Variants in ADGRL2 observed in about 807,000 individuals in gnomAD.
ADGRL2 encodes the protein adhesion G protein-coupled receptor L2.
In ADGRL2, 44 loss-of-function variants were observed where a neutral mutation model predicts 157.4. The ratio of observed to expected loss-of-function variants is 0.28; its 90% CI spans 0.22 to 0.36. The LOEUF is 0.36. Ranked by LOEUF, ADGRL2 falls within the 10% of genes least tolerant of loss-of-function variation. The pLI is 1.00. For synonymous variants in ADGRL2, 585 were observed against 624.7 expected (o/e 0.94, Z 0.95); for missense variants, 1,510 against 1,768.9 (o/e 0.85, Z 2.63).
intron 2 of ADGRL2, among the ~76,000 whole-genome samples, chr1:81,504,745 C>G (rs1279740480): frequency 6.6e-6 from 1 of 152,126 alleles, no homozygotes; most frequent in Non-Finnish European, 1.5e-5. Context: ...TGCCACACCC[C>G]CACCCCCAGC....
At chr1:81,311,233 A>G (rs1659732605) in intron 1 of ADGRL2, among the ~76,000 whole-genome samples, 1 of 152,302 alleles carries the variant, frequency 6.6e-6, no homozygotes, top group South Asian at 2.1e-4. Flanking sequence ...AGGATTAGAA[A>G]GTCTGTTTGT....
chr1:81,665,267 G>C (rs897732303), intron 3 of ADGRL2, among the ~76,000 whole-genome samples: 8 of 152,110 alleles, frequency 5.3e-5, no homozygotes, highest in Non-Finnish European at 1.0e-4. Flanking sequence ...TACAAACAGC[G>C]TAAGTACCTG....
chr1:81,375,215 C>T (rs900817854), intron 1 of ADGRL2, among the ~76,000 whole-genome samples: 32 of 152,216 alleles, frequency 2.1e-4, no homozygotes, highest in African/African-American at 7.5e-4. Context: ...ACATAGACCA[C>T]TTAAGTCTGG....
chr1:81,665,673 T>TGA (rs2082737473), intron 3 of ADGRL2, among the ~76,000 whole-genome samples: 1 of 152,142 alleles, frequency 6.6e-6, no homozygotes, highest in Admixed American at 6.6e-5. Context: ...CATAAATCTC[T>TGA]GAGAGAGAGA....
rs2079213311 is a variant in ADGRL2, at chr1:81,517,695, C to G, written c.-247-63181C>G. Among the ~76,000 whole-genome samples the G allele has an allele frequency of 2.0e-5, 3 of 152,146 alleles. No individual in the cohort carries two copies. In the South Asian group the frequency reaches 6.2e-4, roughly 32 times the overall value. On this transcript the variant is annotated intron_variant, in intron 2 of 24. Coordinates refer to the ADGRL2 transcript ENST00000370721. ...AATATCTCATTGGTGACTGCCACCC[C>G]TCACTGCAAGGAAGAGATGAAGAGC...
chr1:81,657,800 C>A (rs480304), intron 3 of ADGRL2, among the ~76,000 whole-genome samples: 82,219 of 152,032 alleles, frequency 0.54, 22,967 homozygotes, highest in African/African-American at 0.69. Flanking sequence ...AGGATACATC[C>A]AAAAATCAAA....
At chr1:81,963,580 C>T (rs993739422) in intron 11 of ADGRL2, among the ~76,000 whole-genome samples, 8 of 151,636 alleles carry the variant, frequency 5.3e-5, no homozygotes, top group African/African-American at 1.9e-4. Flanking sequence ...TTCTTTAATT[C>T]ACATTTTTTG....
At chr1:81,575,131 T>C (rs2080772198) in intron 2 of ADGRL2, among the ~76,000 whole-genome samples, 1 of 152,200 alleles carries the variant, frequency 6.6e-6, no homozygotes, top group African/African-American at 2.4e-5. Flanking sequence ...TGGCAAAGTG[T>C]GTTTTCTTAT....
At chr1:81,440,868 C>T (rs187380532) in intron 1 of ADGRL2, among the ~76,000 whole-genome samples, 222 of 152,310 alleles carry the variant, frequency 1.5e-3, no homozygotes, top group African/African-American at 5.1e-3. Context: ...TTTCTTCCTT[C>T]TAATTCCCAC....
rs960614162 is a variant in ADGRL2 at position 81,938,367 on chromosome 1, C to T, written c.397+1530C>T. On this transcript the variant is annotated intron_variant, in intron 4 of 23. Coordinates refer to ENST00000686636, the MANE Select transcript of ADGRL2 (RefSeq NM_001366006.2). ...TCTTTCTGGAGCCAGTTCCTGTAACCTAGTCTATAGACCAAGAACAGTGTT... is the reference window on the plus strand; with the variant it reads ...TCTTTCTGGAGCCAGTTCCTGTAACTTAGTCTATAGACCAAGAACAGTGTT... 2.6e-5 allele frequency among the ~76,000 whole-genome samples: 4 copies of T among 151,688 alleles called. No homozygotes were observed. The East Asian group carries it at 5.8e-4, about 22-fold the overall frequency.
At chr1:81,394,479 T>C (rs1181628762) in intron 1 of ADGRL2, among the ~76,000 whole-genome samples, 1 of 152,236 alleles carries the variant, frequency 6.6e-6, no homozygotes, top group African/African-American at 2.4e-5. Context: ...TTTTTGTGAC[T>C]GGCTTATTTG....
At chr1:81,406,896 G>A (rs569079779) in intron 1 of ADGRL2, among the ~76,000 whole-genome samples, 1 of 152,268 alleles carries the variant, frequency 6.6e-6, no homozygotes, top group African/African-American at 2.4e-5. Flanking sequence ...AGGGAGTGTT[G>A]AATGGAAATA....
chr1:81,868,592 AT>A (rs2093612138), intron 2 of ADGRL2, among the ~76,000 whole-genome samples: 1 of 152,030 alleles, frequency 6.6e-6, no homozygotes, highest in African/African-American at 2.4e-5. Flanking sequence ...TTTGCCTAGG[AT>A]CGTTGTCTCC....
intron 2 of ADGRL2, among the ~76,000 whole-genome samples, chr1:81,567,227 T>A (rs1373886244): frequency 2.0e-5 from 3 of 152,150 alleles, no homozygotes; most frequent in African/African-American, 7.2e-5. Context: ...GTAGTCACTA[T>A]CAACATATGC....
Position 81,803,103 on chromosome 1 carries a change from G to T in ADGRL2, c.-101+2035G>T, listed in dbSNP as rs949912096. 2.6e-5 allele frequency among the ~76,000 whole-genome samples: 4 copies of T among 152,114 alleles called. No homozygotes were observed. In the South Asian group the frequency reaches 8.3e-4, roughly 31 times the overall value. On this transcript the variant is annotated intron_variant, in intron 1 of 23. Transcript: ENST00000686636. ...AGTGTATGCTGCTGGAGTGGCTGTG[G>T]GGCAGGGAGCCTCGGGAGCTTGGTT...
At chr1:81,447,756 T>C (rs1467067662) in intron 2 of ADGRL2, among the ~76,000 whole-genome samples, 1 of 152,202 alleles carries the variant, frequency 6.6e-6, no homozygotes, top group Non-Finnish European at 1.5e-5. Flanking sequence ...TTTCCTTACA[T>C]GTATGCGTAT....
intron 2 of ADGRL2, among the ~76,000 whole-genome samples, chr1:81,837,413 C>T (rs17107284): frequency 6.6e-6 from 1 of 151,728 alleles, no homozygotes; most frequent in Non-Finnish European, 1.5e-5. Flanking sequence ...TCTTTAGTTA[C>T]ATTTGCTTAA....
At chr1:81,525,714 T>C (rs563524257) in intron 2 of ADGRL2, among the ~76,000 whole-genome samples, 1 of 152,284 alleles carries the variant, frequency 6.6e-6, no homozygotes, top group South Asian at 2.1e-4. Context: ...TTAGTGAGAG[T>C]ATTTATCCCA....
chr1:81,679,417 A>AAC (rs1019032343), intron 3 of ADGRL2, among the ~76,000 whole-genome samples: 15 of 152,022 alleles, frequency 9.9e-5, no homozygotes, highest in Admixed American at 2.6e-4. Flanking sequence ...GAAAAAAAAA[A>AAC]AACAGGATTC....
Sources: gnomAD v4.1 joint callset for allele counts (sites outside exome capture counted in the v4.1 genomes callset) on GRCh38, gnomAD v4.1.1 for gene constraint, MANE v1.5 for transcripts, NCBI Gene and HGNC (gene_info 2026-07-23, HGNC 2026-07-21) for gene names.